Variants in MYO1H observed in about 807,000 individuals in gnomAD.
The protein encoded by MYO1H is myosin IH, also known as unconventional myosin-Ih.
A neutral mutation model predicts 149.3 loss-of-function variants in MYO1H; 118 were observed. That is an observed-to-expected ratio of 0.79 (90% confidence interval 0.68 to 0.92). The LOEUF is 0.92. Among genes scored for constraint, MYO1H ranks in the 40% least tolerant of loss-of-function variants. MYO1H has a pLI of 0.00. For missense variants in MYO1H, 1,212 were observed against 1,280.7 expected (o/e 0.95, Z 0.82); for synonymous variants, 447 against 465.2 (o/e 0.96, Z 0.50).
chr12:109,344,900 A>T (rs1183501254), upstream of MYO1H, among the ~76,000 whole-genome samples: 4 of 152,208 alleles, frequency 2.6e-5, no homozygotes, highest in Admixed American at 2.0e-4. Context: ...TCAACAAATG[A>T]TGCTGGAGCG....
At chr12:109,352,748 G>C (rs1868491438) in intron 1 of MYO1H, among the ~76,000 whole-genome samples, 1 of 152,084 alleles carries the variant, frequency 6.6e-6, no homozygotes, top group East Asian at 1.9e-4. Context: ...ATTTTGGGGG[G>C]ATAGATTTCA....
chr12:109,322,543 A>G, the MYO1H span, among the ~76,000 whole-genome samples: 1 of 152,172 alleles, frequency 6.6e-6, no homozygotes, highest in South Asian at 2.1e-4. Flanking sequence ...CTATAAGGCC[A>G]GGCATGGTGG....
In MYO1H at chr12:109,364,166, G is replaced by A. The variant is rs1425810760; in HGVS notation, c.12+16194G>A. ...AGACTGGGCAACAGAGAGAGACCAT[G>A]TCTTTAAAAAAAAAAAAAAAAAAAA... On this transcript the variant is annotated intron_variant, in intron 1 of 31. Coordinates refer to ENST00000310903, the Ensembl canonical transcript of MYO1H. Among the ~76,000 whole-genome samples, 5 of 107,234 alleles carry A rather than the reference G, an allele frequency of 4.7e-5. No homozygotes were observed. The East Asian group carries it at 1.6e-3, about 34-fold the overall frequency. The allele number at this position is 107,234 out of a possible 152,430, so 70.3% of individuals were successfully genotyped here.
Position 109,443,040 on chromosome 12 carries a change from G to GTGTGTGTATATATGTGTATGTA in MYO1H, c.2689-456_2689-455insTGTATGTGTGTATATATGTGTA, listed in dbSNP as rs1872237232. 7.0e-4 allele frequency among the ~76,000 whole-genome samples: 30 copies of GTGTGTGTATATATGTGTATGTA among 42,728 alleles called. 9 individuals carry two copies. Among genetic ancestry groups the GTGTGTGTATATATGTGTATGTA allele is most frequent in the African/African-American group, 1.6e-3 (21 of 13,130 alleles). The allele number at this position is 42,728 out of a possible 152,430, so 28.0% of individuals were successfully genotyped here. A position where few individuals can be genotyped will look rare whatever the true frequency, so the allele number is the denominator to read the frequency against. Reference sequence around the variant, plus strand: ...TATATATATATATATGTGTGTGTGTGTGTGTGTATATATGTGTACGTATGT... The same window carrying GTGTGTGTATATATGTGTATGTA: ...TATATATATATATATGTGTGTGTGTGTGTGTGTATATATGTGTATGTATGTGTGTATATATGTGTACGTATGT... On this transcript the variant is annotated intron_variant, in intron 27 of 31. Transcript: ENST00000310903.
chr12:109,349,261 C>T (rs1868403760), intron 1 of MYO1H, among the ~76,000 whole-genome samples: 1 of 152,172 alleles, frequency 6.6e-6, no homozygotes, highest in African/African-American at 2.4e-5. Flanking sequence ...TTGACTTATA[C>T]ATAGTTACAC....
upstream of MYO1H, among the ~76,000 whole-genome samples, chr12:109,346,590 A>C (rs2048103252): frequency 6.6e-6 from 1 of 151,990 alleles, no homozygotes; most frequent in Non-Finnish European, 1.5e-5. Flanking sequence ...GTGAAACCTT[A>C]TCTCTACTAA....
At chr12:109,374,228 T>G (rs1245127952) in intron 1 of MYO1H, among the ~76,000 whole-genome samples, 1 of 152,196 alleles carries the variant, frequency 6.6e-6, no homozygotes, top group Non-Finnish European at 1.5e-5. Flanking sequence ...TCATCTTTTG[T>G]GTCCTTCTGG....
intron 27 of MYO1H, among the ~76,000 whole-genome samples, chr12:109,443,150 G>GTATA (rs201198234): frequency 1.5e-5 from 1 of 66,482 alleles, no homozygotes; most frequent in Non-Finnish European, 2.9e-5. Flanking sequence ...ATATGTGTAC[G>GTATA]TATGTGTGTG....
At chr12:109,327,293 G>A in the MYO1H span, among the ~76,000 whole-genome samples, 2 of 151,316 alleles carry the variant, frequency 1.3e-5, no homozygotes, top group East Asian at 4.0e-4. Flanking sequence ...CACCATGCCT[G>A]GCTAATTTTT....
intron 24 of MYO1H, among the ~76,000 whole-genome samples, chr12:109,440,283 G>A (rs573901584): frequency 1.3e-5 from 2 of 151,108 alleles, no homozygotes; most frequent in South Asian, 2.1e-4. Flanking sequence ...TGATCTGTCC[G>A]CCTCAGCCTC....
At chr12:109,342,719 T>C in the MYO1H span, among the ~76,000 whole-genome samples, 2 of 151,524 alleles carry the variant, frequency 1.3e-5, no homozygotes, top group African/African-American at 2.4e-5. Flanking sequence ...ATTTTTAAAT[T>C]TTTTGTAGAG....
chr12:109,438,683 C>T, intron 23 of MYO1H, 63 bp downstream of exon 23: 1 of 1,242,286 alleles, frequency 8.0e-7, no homozygotes. Flanking sequence ...CAGGGATGGT[C>T]ATGGAGGTAG....
chr12:109,443,526 G>C (rs1320367723), exon 28 of MYO1H: 2 of 1,613,658 alleles, frequency 1.2e-6, no homozygotes, highest in Non-Finnish European at 1.7e-6. Flanking sequence ...TGGTGTCCCG[G>C]TCATTAAATA....
At chr12:109,430,286 G>A (rs1566039710) in intron 19 of MYO1H, among the ~76,000 whole-genome samples, 3 of 152,090 alleles carry the variant, frequency 2.0e-5, no homozygotes, top group Non-Finnish European at 4.4e-5. Context: ...GCCAAACCCC[G>A]TGCACCTGCC....
At chr12:109,439,778 C>T (rs746807592) in exon 24 of MYO1H, 1 of 1,613,712 alleles carries the variant, frequency 6.2e-7, no homozygotes, top group Non-Finnish European at 8.5e-7. Flanking sequence ...GGCCTCCTGG[C>T]ATCTTGGAAA....
At chr12:109,435,390 C>T (rs531376962) in intron 21 of MYO1H, among the ~76,000 whole-genome samples, 4 of 152,218 alleles carry the variant, frequency 2.6e-5, no homozygotes, top group African/African-American at 7.2e-5. Context: ...GGTGTAAAAC[C>T]GTGAGAGACC....
In MYO1H at chr12:109,381,554, C is replaced by G. The variant is rs190731247; in HGVS notation, c.13-7129C>G. ...GCGCAGTGGCTCATACCTGTAGTCC[C>G]AGCACTTTGGGAGGCCAAGGTGGGT... On this transcript the variant is annotated intron_variant, in intron 1 of 31. Coordinates refer to ENST00000310903, the Ensembl canonical transcript of MYO1H. Among the ~76,000 whole-genome samples, 227 of 152,328 alleles carry G rather than the reference C, an allele frequency of 1.5e-3. 1 individual carries two copies. Among genetic ancestry groups the G allele is most frequent in the Non-Finnish European group, 2.9e-3 (198 of 68,028 alleles).
In MYO1H at chr12:109,442,109, C is replaced by A. The variant is rs1173069569; in HGVS notation, c.2633-108C>A. 7.8e-6 allele frequency: 7 copies of A among 901,356 alleles called. No homozygotes were observed. In the African/African-American group the frequency reaches 8.2e-5, roughly 11 times the overall value. 55.8% of individuals were successfully genotyped at this position (901,356 alleles called of 1,614,324 possible). A position where few individuals can be genotyped will look rare whatever the true frequency, so the allele number is the denominator to read the frequency against. On this transcript the variant is annotated intron_variant, in intron 26 of 31. Coordinates refer to ENST00000310903, the Ensembl canonical transcript of MYO1H. Reference sequence around the variant, plus strand: ...GCATTTCCTGATGGCTATTTCCCCACCTGAGATCTTAGCACAGAGATGCAT... The same window carrying A: ...GCATTTCCTGATGGCTATTTCCCCAACTGAGATCTTAGCACAGAGATGCAT...
chr12:109,366,883 G>A (rs917662559), intron 1 of MYO1H, among the ~76,000 whole-genome samples: 10 of 152,136 alleles, frequency 6.6e-5, no homozygotes, highest in East Asian at 3.9e-4. Context: ...CCGCAAATCC[G>A]AAACTTTATG....
Sources: gnomAD v4.1 joint callset for allele counts (sites outside exome capture counted in the v4.1 genomes callset) on GRCh38, gnomAD v4.1.1 for gene constraint, MANE v1.5 for transcripts, NCBI Gene and HGNC (gene_info 2026-07-23, HGNC 2026-07-21) for gene names.